FAT3: variants seen among roughly 807,000 people sequenced by gnomAD.
FAT3 encodes protocadherin Fat 3.
In FAT3, 95 loss-of-function variants were observed where a neutral mutation model predicts 310.2. That is an observed-to-expected ratio of 0.31 (90% CI 0.26 to 0.36). The LOEUF (loss-of-function observed/expected upper bound fraction) is 0.36. Ranked by LOEUF, FAT3 falls within the 10% of genes least tolerant of loss-of-function variation. The probability of loss-of-function intolerance (pLI) is 1.00; values close to 1 mark genes in which losing one functional copy is unlikely to be tolerated. For synonymous variants in FAT3, 2,314 were observed against 2,192.9 expected (o/e 1.06, Z -1.54); for missense variants, 5,408 against 5,715.6 (o/e 0.95, Z 1.74).
At chr11:92,408,371 C>T (rs777161417) in intron 2 of FAT3, among the ~76,000 whole-genome samples, 1 of 152,062 alleles carries the variant, frequency 6.6e-6, no homozygotes, top group South Asian at 2.1e-4. Context: ...ATCATTTGGT[C>T]CATAGCAGGG....
At chr11:92,484,039 T>C (rs1952306660) in intron 2 of FAT3, among the ~76,000 whole-genome samples, 1 of 152,220 alleles carries the variant, frequency 6.6e-6, no homozygotes, top group Non-Finnish European at 1.5e-5. Flanking sequence ...AGAATTAGCC[T>C]GTGACACAAG....
At chr11:92,571,074 A>C (rs1375889159) in intron 3 of FAT3, among the ~76,000 whole-genome samples, 1 of 152,172 alleles carries the variant, frequency 6.6e-6, no homozygotes, top group East Asian at 1.9e-4. Context: ...ACAAACAAAA[A>C]TTTAAAATCC....
At chr11:92,468,068 T>C (rs911333491) in intron 2 of FAT3, among the ~76,000 whole-genome samples, 1 of 152,168 alleles carries the variant, frequency 6.6e-6, no homozygotes, top group African/African-American at 2.4e-5. Context: ...GCAAAACATA[T>C]GGAGAGTCAC....
chr11:92,233,577 G>T (rs1194128415), intron 1 of FAT3, among the ~76,000 whole-genome samples: 1 of 152,160 alleles, frequency 6.6e-6, no homozygotes, highest in South Asian at 2.1e-4. Flanking sequence ...GGTATAAGTC[G>T]TAATGTATGT....
At chr11:92,700,603 T>C (rs1205691893) in intron 4 of FAT3, among the ~76,000 whole-genome samples, 2 of 152,180 alleles carry the variant, frequency 1.3e-5, no homozygotes, top group South Asian at 2.1e-4. Flanking sequence ...AACAGCACAC[T>C]GGCTTTTCTG....
At chr11:92,286,470 T>C (rs922308654) in intron 1 of FAT3, among the ~76,000 whole-genome samples, 3 of 152,198 alleles carry the variant, frequency 2.0e-5, no homozygotes, top group Non-Finnish European at 2.9e-5. Flanking sequence ...CAGTTCTCTA[T>C]GTAATCTGCA....
intron 2 of FAT3, among the ~76,000 whole-genome samples, chr11:92,384,890 G>A (rs924959489): frequency 6.6e-6 from 1 of 152,162 alleles, no homozygotes; most frequent in African/African-American, 2.4e-5. Flanking sequence ...CATAAAGCTT[G>A]CTTCCACGGA....
chr11:92,681,310 G>A (rs1943474428), intron 3 of FAT3, among the ~76,000 whole-genome samples: 1 of 152,190 alleles, frequency 6.6e-6, no homozygotes, highest in South Asian at 2.1e-4. Context: ...AAGCAGAGAA[G>A]GGAAGGATTC....
chr11:92,467,103 G>A (rs1486120257), intron 2 of FAT3, among the ~76,000 whole-genome samples: 1 of 152,024 alleles, frequency 6.6e-6, no homozygotes, highest in African/African-American at 2.4e-5. Context: ...CCCAGTAATG[G>A]GATGGCTGGG....
chr11:92,451,912 T>G (rs1157987394), intron 2 of FAT3, among the ~76,000 whole-genome samples: 1 of 152,142 alleles, frequency 6.6e-6, no homozygotes, highest in Non-Finnish European at 1.5e-5. Context: ...CACATAGGAG[T>G]AGATGCCTAA....
chr11:92,285,272 T>TA (rs1946532197), intron 1 of FAT3, among the ~76,000 whole-genome samples: 1 of 79,182 alleles, frequency 1.3e-5, no homozygotes, highest in Non-Finnish European at 2.6e-5. Flanking sequence ...TTACAACTTC[T>TA]AAAAACAGTT....
At chr11:92,578,407 G>A (rs1938605637) in intron 3 of FAT3, among the ~76,000 whole-genome samples, 1 of 152,066 alleles carries the variant, frequency 6.6e-6, no homozygotes, top group African/African-American at 2.4e-5. Flanking sequence ...GACCCTGTGG[G>A]TCATGTATTG....
chr11:92,527,811 C>T (rs1440395642), intron 3 of FAT3, among the ~76,000 whole-genome samples: 2 of 152,078 alleles, frequency 1.3e-5, no homozygotes, highest in Non-Finnish European at 2.9e-5. Flanking sequence ...TGTAGCTAAC[C>T]AGTGTGTAGA....
At chr11:92,737,044 T>C (rs531857220) in intron 4 of FAT3, among the ~76,000 whole-genome samples, 187 of 152,266 alleles carry the variant, frequency 1.2e-3, no homozygotes, top group African/African-American at 3.7e-3. Flanking sequence ...TTTTCTCTTA[T>C]ACCTTTCCAA....
Position 92,869,270 on chromosome 11 carries a change from G to A in FAT3, c.12127+2061G>A, listed in dbSNP as rs149642551. 1.5e-3 allele frequency among the ~76,000 whole-genome samples: 228 copies of A among 152,252 alleles called. 1 individual carries two copies. Among genetic ancestry groups the A allele is most frequent in the African/African-American group, 4.8e-3 (199 of 41,564 alleles). Reference sequence around the variant, plus strand: ...TGAGGGAGCCCTGCAGGAGCATCCCGCACCAAGGCTACTCCCAAGCCTAGC... The same window carrying A: ...TGAGGGAGCCCTGCAGGAGCATCCCACACCAAGGCTACTCCCAAGCCTAGC... On this transcript the variant is annotated intron_variant, in intron 22 of 27. Coordinates refer to ENST00000525166, the MANE Select transcript of FAT3 (RefSeq NM_001367949.2).
intron 2 of FAT3, among the ~76,000 whole-genome samples, chr11:92,433,552 G>A (rs1156974712): frequency 4.6e-5 from 7 of 152,054 alleles, no homozygotes; most frequent in African/African-American, 1.2e-4. Flanking sequence ...CTCACCCTCC[G>A]TGGGCTGCAC....
In FAT3 at chr11:92,510,820, G is replaced by A. The variant is rs192353409; in HGVS notation, c.3293-13814G>A. On this transcript the variant is annotated intron_variant, in intron 2 of 27. Transcript: ENST00000525166. ...TTGAGAAGTAACAGGCACTGAAGGC[G>A]GCTTGCATTTCAGTGCATAATTGCT... 5.9e-5 allele frequency among the ~76,000 whole-genome samples: 9 copies of A among 152,294 alleles called. No individual in the cohort carries two copies. The East Asian group carries it at 1.5e-3, about 26-fold the overall frequency.
rs925741391 is a variant in FAT3, at chr11:92,736,865, G to T, written c.3670-24991G>T. On this transcript the variant is annotated intron_variant, in intron 4 of 27. Coordinates refer to ENST00000525166, the MANE Select transcript of FAT3 (RefSeq NM_001367949.2). ...CTTTTATTTTTTTCCTTTTATGTCT[G>T]TAAAAAGAGATATGATCCTCCCACT... is the stretch of plus-strand genomic sequence containing the variant. Among the ~76,000 whole-genome samples, 3 of 151,996 alleles carry T rather than the reference G, an allele frequency of 2.0e-5. No homozygotes were observed. The East Asian group carries it at 5.8e-4, about 29-fold the overall frequency.
intron 3 of FAT3, among the ~76,000 whole-genome samples, chr11:92,626,460 G>A (rs539854102): frequency 1.3e-5 from 2 of 151,158 alleles, no homozygotes; most frequent in South Asian, 2.1e-4. Context: ...TGAAATTGGC[G>A]TAGCGTATCT....
Sources: allele counts gnomAD v4.1 joint callset (sites outside exome capture counted in the v4.1 genomes callset), GRCh38; gene constraint gnomAD v4.1.1; transcripts MANE v1.5; gene names NCBI Gene and HGNC (gene_info 2026-07-23, HGNC 2026-07-21).